Variants in NACC2 observed in about 807,000 individuals in gnomAD.
The protein encoded by NACC2 is nucleus accumbens-associated protein 2.
In NACC2, 8 loss-of-function variants were observed where a neutral mutation model predicts 25.1. That is an observed-to-expected ratio of 0.32 (90% CI 0.19 to 0.57). NACC2 has a LOEUF of 0.57. Ranked by LOEUF, NACC2 falls within the 20% of genes least tolerant of loss-of-function variation. The pLI is 0.89. For synonymous variants in NACC2, 435 were observed against 294.7 expected, an observed-to-expected ratio of 1.48 and a Z score of -4.88; for missense variants, 644 against 650.2, an observed-to-expected ratio of 0.99 and a Z score of 0.10.
intron 1 of NACC2, among the ~76,000 whole-genome samples, chr9:136,075,040 G>T (rs1830246328): frequency 6.6e-6 from 1 of 152,142 alleles, no homozygotes; most frequent in Admixed American, 6.5e-5. Context: ...CCCAGTAGAG[G>T]ACGTGACCTC....
At chr9:136,015,387 AC>A (rs1288770336) in intron 3 of NACC2, among the ~76,000 whole-genome samples, 1 of 152,102 alleles carries the variant, frequency 6.6e-6, no homozygotes, top group Non-Finnish European at 1.5e-5. Flanking sequence ...GTGGGCCCCT[AC>A]CCCTCCTGGC....
At chr9:136,047,135 C>G (rs4500151) in intron 2 of NACC2, among the ~76,000 whole-genome samples, 65,917 of 151,940 alleles carry the variant, frequency 0.43, 14,727 homozygotes, top group Non-Finnish European at 0.49. Context: ...CAGCTACCTG[C>G]CTCCACTCCT....
rs929727200 is a variant in NACC2, at chr9:136,049,631, G to C, written c.886+5C>G. 6.5e-6 allele frequency: 5 copies of C among 774,466 alleles called. No individual in the cohort carries two copies. Among genetic ancestry groups the C allele is most frequent in the African/African-American group, 1.7e-5 (1 of 58,636 alleles). The allele number at this position is 774,466 out of a possible 1,614,324, so 48.0% of individuals were successfully genotyped here. A position where few individuals can be genotyped will look rare whatever the true frequency, so the allele number is the denominator to read the frequency against. ...GTGGTGTGGGGCTCCACCCCGCCGC[G>C]TTACCTGCATAGCTGCCGGAGGCCT... On this transcript the variant is annotated splice_donor_5th_base_variant and intron_variant, in intron 2 of 5. Transcript: ENST00000277554.
At chr9:136,077,456 T>C (rs933740989) in intron 1 of NACC2, among the ~76,000 whole-genome samples, 3 of 152,096 alleles carry the variant, frequency 2.0e-5, no homozygotes, top group Admixed American at 2.0e-4. Flanking sequence ...ATTAAAATAT[T>C]GAAAAATAAA....
intron 1 of NACC2, among the ~76,000 whole-genome samples, chr9:136,069,651 T>A (rs1037063975): frequency 6.6e-6 from 1 of 151,856 alleles, no homozygotes; most frequent in Non-Finnish European, 1.5e-5. Context: ...AGATAAATTA[T>A]GCAAACATAA....
chr9:136,070,293 G>C (rs1411311912), intron 1 of NACC2, among the ~76,000 whole-genome samples: 2 of 151,456 alleles, frequency 1.3e-5, no homozygotes, highest in Non-Finnish European at 2.9e-5. Flanking sequence ...GGATCACAAG[G>C]TCAGGAGTTC....
At chr9:136,094,003 G>C (rs542476463) in intron 1 of NACC2, among the ~76,000 whole-genome samples, 69 of 152,382 alleles carry the variant, frequency 4.5e-4, no homozygotes, top group Admixed American at 8.5e-4. Flanking sequence ...GACCTGGAGG[G>C]ACACGGACTC....
In NACC2 at chr9:136,037,293, G is replaced by A. The variant is rs566944779; in HGVS notation, c.886+12343C>T. Among the ~76,000 whole-genome samples, 349 of 151,686 alleles carry A rather than the reference G, an allele frequency of 2.3e-3. 2 individuals carry two copies. The highest frequency in any genetic ancestry group is 8.0e-3 in the African/African-American group (332 of 41,296). On this transcript the variant is annotated intron_variant, in intron 2 of 5. Coordinates refer to ENST00000277554, the MANE Select transcript of NACC2 (RefSeq NM_144653.5). ...GGCTGGAATGCAGTGGTGTGATCTC[G>A]GCTCATTGCAACCTCTGCCTCCCGG...
intron 1 of NACC2, among the ~76,000 whole-genome samples, chr9:136,057,392 G>A (rs1840940961): frequency 6.6e-6 from 1 of 152,190 alleles, no homozygotes; most frequent in South Asian, 2.1e-4. Context: ...GCTGGGGCTG[G>A]GGTGGCTCCT....
chr9:136,015,069 C>T lies in NACC2; in HGVS notation c.1052-1100G>A, dbSNP rs151262042. Among the ~76,000 whole-genome samples, 493 of 152,266 alleles carry T rather than the reference C, an allele frequency of 3.2e-3. 4 individuals carry two copies. The highest frequency in any genetic ancestry group is 4.6e-3 in the Non-Finnish European group (315 of 68,012). ...TTCCTGCCATGGCCCGTCTCCTGCC[C>T]CACCACTCCCACAGGCCCTTCCTGC... On this transcript the variant is annotated intron_variant, in intron 3 of 5. Coordinates refer to ENST00000277554, the MANE Select transcript of NACC2 (RefSeq NM_144653.5).
Position 136,011,429 on chromosome 9 carries a change from G to A in NACC2, c.*87C>T, listed in dbSNP as rs1840104044. The A allele has an allele frequency of 1.6e-6, 2 of 1,252,420 alleles. No individual in the cohort carries two copies. The highest frequency in any genetic ancestry group is 2.0e-6 in the Non-Finnish European group (2 of 984,844). 77.6% of individuals were successfully genotyped at this position (1,252,420 alleles called of 1,614,324 possible). A position where few individuals can be genotyped will look rare whatever the true frequency, so the allele number is the denominator to read the frequency against. ...TCAGGCAACAGTAGCAGTTCAGTAGGTAAGTGGCTTGATCACATTTGTTTG... is the reference window on the plus strand; with the variant it reads ...TCAGGCAACAGTAGCAGTTCAGTAGATAAGTGGCTTGATCACATTTGTTTG... On this transcript the variant is annotated 3_prime_UTR_variant, in exon 6 of 6. Coordinates refer to ENST00000277554, the MANE Select transcript of NACC2 (RefSeq NM_144653.5).
chr9:136,042,689 C>CAG (rs1840653657), intron 2 of NACC2, among the ~76,000 whole-genome samples: 1 of 151,518 alleles, frequency 6.6e-6, no homozygotes, highest in Non-Finnish European at 1.5e-5. Context: ...GACATACACA[C>CAG]ACAGACACAC....
chr9:136,013,998 G>C lies in NACC2; in HGVS notation c.1052-29C>G, dbSNP rs373855199. 1 of 1,593,176 alleles carries C rather than the reference G, an allele frequency of 6.3e-7. No homozygotes were observed. Among genetic ancestry groups the C allele is most frequent in the East Asian group, 2.3e-5 (1 of 44,166 alleles). On this transcript the variant is annotated intron_variant, in intron 3 of 5. Transcript: ENST00000277554. This position sits in a 1 kb window ranked among gnomAD's most constrained non-coding sequence, Gnocchi z 6.6. Reference sequence around the variant, plus strand: ...CAGCCACCAAACAGAAAAAGGGCTCGTGGCCTTCCCGGGCCATAGGGTCCG... The same window carrying C: ...CAGCCACCAAACAGAAAAAGGGCTCCTGGCCTTCCCGGGCCATAGGGTCCG...
rs1183981845 is a variant in NACC2 at position 136,055,974 on chromosome 9, T to TG, written c.-59-5395dup. Among the ~76,000 whole-genome samples, 2 of 152,178 alleles carry TG rather than the reference T, an allele frequency of 1.3e-5. No homozygotes were observed. Among genetic ancestry groups the TG allele is most frequent in the Non-Finnish European group, 2.9e-5 (2 of 68,022 alleles). On this transcript the variant is annotated intron_variant, in intron 1 of 5. Transcript: ENST00000277554. This position sits in a 1 kb window ranked among gnomAD's most constrained non-coding sequence, Gnocchi z 4.9. Reference sequence around the variant, plus strand: ...CACAGGGGGTGTTAGGAATACAGTCTGGGGGCTGCTACCCCGTGGACCTTG... The same window carrying TG: ...CACAGGGGGTGTTAGGAATACAGTCTGGGGGGCTGCTACCCCGTGGACCTTG...
chr9:136,037,679 T>C (rs1178074716), intron 2 of NACC2, among the ~76,000 whole-genome samples: 1 of 152,006 alleles, frequency 6.6e-6, no homozygotes, highest in Non-Finnish European at 1.5e-5. Flanking sequence ...GGCTAATTTT[T>C]TGTATTTTTA....
intron 1 of NACC2, among the ~76,000 whole-genome samples, chr9:136,083,301 A>C (rs116674318): frequency 5.3e-5 from 8 of 152,108 alleles, no homozygotes; most frequent in African/African-American, 1.9e-4. Flanking sequence ...AGGCACGCGG[A>C]GGTCATCTCC....
rs745861172 is a variant in NACC2, at chr9:136,011,707, C to T, written c.1573G>A (p.Ala525Thr). 1.3e-5 allele frequency: 19 copies of T among 1,504,214 alleles called. No homozygotes were observed. The highest frequency in any genetic ancestry group is 4.3e-5 in the African/African-American group (3 of 70,112). The allele number at this position is 1,504,214 out of a possible 1,614,324, so 93.2% of individuals were successfully genotyped here. A position where few individuals can be genotyped will look rare whatever the true frequency, so the allele number is the denominator to read the frequency against. ...TCCACCTCCTCGCCGGCGTCGAAGG[C>T]GGGGTTGGCGGCGGCACTCAGGTCA... ...NVDLSAAANP[A>T]FDAGEEVDGA... is the part of the protein sequence containing the mutation. The change falls in exon 6 of 6, where the codon GCC (alanine) becomes ACC (threonine). Residue 525 changes from alanine to threonine, a missense_variant. Physicochemically the swap from Ala to Thr is moderately conservative, Grantham distance 58. Transcript: ENST00000277554.
chr9:136,030,286 C>A (rs566954519), intron 2 of NACC2, among the ~76,000 whole-genome samples: 1 of 152,244 alleles, frequency 6.6e-6, no homozygotes, highest in East Asian at 1.9e-4. Context: ...GGAGGCTCAT[C>A]CCTGTTGTAG....
At chr9:136,049,200 G>A (rs1334330272) in intron 2 of NACC2, among the ~76,000 whole-genome samples, 2 of 152,346 alleles carry the variant, frequency 1.3e-5, no homozygotes, top group South Asian at 2.1e-4. Flanking sequence ...CATCCCTGGC[G>A]CGGGGCCTGG....
Sources: allele counts gnomAD v4.1 joint callset (sites outside exome capture counted in the v4.1 genomes callset), GRCh38; gene constraint gnomAD v4.1.1; non-coding constraint Gnocchi (gnomAD v3.1); transcripts MANE v1.5; gene names NCBI Gene and HGNC (gene_info 2026-07-23, HGNC 2026-07-21).